The following MMP26 variants were observed in gnomAD, a reference collection of about 807,000 sequenced individuals.
MMP26 encodes matrix metalloproteinase-26.
A neutral mutation model predicts 31.0 loss-of-function variants in MMP26; 33 were observed. That is an observed-to-expected ratio of 1.06 (90% CI 0.81 to 1.42). The LOEUF is 1.42. Among genes scored for constraint, MMP26 ranks in the 40% most tolerant of loss-of-function variants. The pLI, the probability that MMP26 is intolerant of heterozygous loss-of-function variation, is 0.00. For missense variants in MMP26, 347 were observed against 316.1 expected (o/e 1.10, Z -0.74); for synonymous variants, 122 against 114.9 (o/e 1.06, Z -0.40).
chr11:4,738,292 G>T (rs552661189), intron 1 of MMP26, among the ~76,000 whole-genome samples: 1 of 152,094 alleles, frequency 6.6e-6, no homozygotes, highest in Non-Finnish European at 1.5e-5. Context: ...CAGGAGAGCC[G>T]GGCAGTTTTG....
chr11:4,816,964 C>A (rs180870351), intron 2 of MMP26, among the ~76,000 whole-genome samples: 2 of 151,658 alleles, frequency 1.3e-5, no homozygotes, highest in African/African-American at 4.8e-5. Context: ...CCCGCCTCGG[C>A]CTCCCAAAGT....
intron 1 of MMP26, among the ~76,000 whole-genome samples, chr11:4,713,507 C>T (rs7943921): frequency 0.022 from 3,316 of 152,066 alleles, 135 homozygotes; most frequent in African/African-American, 0.076. Flanking sequence ...CGTAAATATC[C>T]CTCATTGTAA....
chr11:4,944,896 T>A (rs1377755088), intron 2 of MMP26: 1 of 152,138 alleles, frequency 6.6e-6, no homozygotes, highest in African/African-American at 2.4e-5. Flanking sequence ...TCAGTGAACA[T>A]CTTTTTCAAC....
chr11:4,711,625 T>C (rs1847863239), intron 1 of MMP26: 1 of 152,180 alleles, frequency 6.6e-6, no homozygotes, highest in Non-Finnish European at 1.5e-5. Flanking sequence ...TGACATCCAC[T>C]TTCTACTTGC....
At chr11:4,751,983 G>A (rs1206827515) in intron 1 of MMP26, 1 of 152,070 alleles carries the variant, frequency 6.6e-6, no homozygotes, top group South Asian at 2.1e-4. Flanking sequence ...TCCAATTTGT[G>A]GTAAATTTTC....
intron 1 of MMP26, among the ~76,000 whole-genome samples, chr11:4,713,073 A>T (rs573936514): frequency 6.6e-6 from 1 of 152,144 alleles, no homozygotes; most frequent in African/African-American, 2.4e-5. Context: ...ATAAACGGAT[A>T]TATCAGAGTT....
At chr11:4,881,749 T>C (rs1004461992) in intron 2 of MMP26, 10 of 728,324 alleles carry the variant, frequency 1.4e-5, no homozygotes, top group Non-Finnish European at 2.3e-5. Context: ...CTATTTAACC[T>C]TCCTGGGTCC....
intron 1 of MMP26, among the ~76,000 whole-genome samples, chr11:4,718,223 T>C (rs1361497295): frequency 6.6e-6 from 1 of 152,232 alleles, no homozygotes; most frequent in African/African-American, 2.4e-5. Flanking sequence ...ATTCAATTAC[T>C]GTATCAGAAT....
intron 2 of MMP26, among the ~76,000 whole-genome samples, chr11:4,982,789 A>C (rs1846833317): frequency 6.6e-6 from 1 of 152,196 alleles, no homozygotes; most frequent in South Asian, 2.1e-4. Flanking sequence ...TGTATGAAAG[A>C]GGTTTGCTCA....
intron 2 of MMP26, chr11:4,787,404 G>C (rs1018112423): frequency 6.6e-6 from 1 of 152,154 alleles, no homozygotes; most frequent in South Asian, 2.1e-4. Context: ...CATGTGTTGC[G>C]CTTTCCTACA....
In MMP26 at chr11:4,882,600, AG is replaced by A. The variant is rs1412933917; in HGVS notation, c.-144-105467del. On this transcript the variant is annotated intron_variant, in intron 2 of 7. Coordinates refer to ENST00000380390, the MANE Select transcript of MMP26 (RefSeq NM_021801.5). ...ACTGTTCTGGGCATTGTGGCCCGAA[AG>A]AAGCAACAAAAAGCTCTCAGCACTT... 4 of 1,613,852 alleles carry A rather than the reference AG, an allele frequency of 2.5e-6. No homozygotes were observed. In the Admixed American group the frequency reaches 6.7e-5, roughly 27 times the overall value.
At chr11:4,940,990 T>C (rs1375754904) in intron 2 of MMP26, among the ~76,000 whole-genome samples, 1 of 152,228 alleles carries the variant, frequency 6.6e-6, no homozygotes, top group Non-Finnish European at 1.5e-5. Context: ...TCTTTTGAAG[T>C]ATCTGTTCAA....
At chr11:4,774,383 T>C (rs573087103) in intron 2 of MMP26, among the ~76,000 whole-genome samples, 84 of 152,300 alleles carry the variant, frequency 5.5e-4, no homozygotes, top group African/African-American at 1.9e-3. Context: ...ATCAGTGATA[T>C]TGAGCTGTTT....
intron 1 of MMP26, among the ~76,000 whole-genome samples, chr11:4,743,197 T>C (rs1848336905): frequency 6.6e-6 from 1 of 152,192 alleles, no homozygotes; most frequent in Non-Finnish European, 1.5e-5. Context: ...ACTGTCACTG[T>C]CCCCTGGCTC....
At position 4,908,255 on chromosome 11, in the gene MMP26, C is replaced by G. The variant is rs754596163; in HGVS notation, c.-144-79813C>G. 4.9e-5 allele frequency: 79 copies of G among 1,613,882 alleles called. No homozygotes were observed. The Admixed American group carries it at 8.3e-4, about 17-fold the overall frequency. ...CCCCATTGTGTACTGTGTAAAGACT[C>G]GACAAATCTGGGAGAAGATCTTGGG... is the stretch of plus-strand genomic sequence containing the variant. On this transcript the variant is annotated intron_variant, in intron 2 of 7. Transcript: ENST00000380390.
intron 2 of MMP26, among the ~76,000 whole-genome samples, chr11:4,798,645 C>T (rs967531589): frequency 5.9e-5 from 9 of 152,142 alleles, no homozygotes; most frequent in African/African-American, 2.2e-4. Flanking sequence ...GGCTGACACA[C>T]ACCAGATCAT....
intron 2 of MMP26, among the ~76,000 whole-genome samples, chr11:4,983,655 G>C (rs917921125): frequency 2.6e-5 from 4 of 152,172 alleles, no homozygotes; most frequent in African/African-American, 7.2e-5. Flanking sequence ...AGGAGAGATA[G>C]GGGCCTGTTT....
intron 2 of MMP26, among the ~76,000 whole-genome samples, chr11:4,961,319 G>T (rs1846517578): frequency 6.6e-6 from 1 of 152,164 alleles, no homozygotes; most frequent in African/African-American, 2.4e-5. Flanking sequence ...AGACTAATTT[G>T]GCTTCTGTAT....
At chr11:4,813,079 T>C (rs1849371969) in intron 2 of MMP26, among the ~76,000 whole-genome samples, 1 of 151,952 alleles carries the variant, frequency 6.6e-6, no homozygotes, top group Admixed American at 6.6e-5. Context: ...TTTAATCCAT[T>C]GTTCAAACTT....
Sources: allele counts gnomAD v4.1 joint callset (sites outside exome capture counted in the v4.1 genomes callset), GRCh38; gene constraint gnomAD v4.1.1; transcripts MANE v1.5; gene names NCBI Gene and HGNC (gene_info 2026-07-23, HGNC 2026-07-21).